Variants in PALMD observed in about 807,000 individuals in gnomAD.
PALMD encodes the protein palmdelphin.
A neutral mutation model predicts 56.2 loss-of-function variants in PALMD; 42 were observed. The observed-to-expected ratio is 0.75, with a 90% CI of 0.58 to 0.97. The LOEUF is 0.97. Ranked by LOEUF, PALMD falls within the 50% of genes least tolerant of loss-of-function variation. PALMD has a pLI of 0.00. For missense variants in PALMD, 660 were observed against 643.8 expected, an observed-to-expected ratio of 1.03 and a Z score of -0.27; for synonymous variants, 242 against 222.9, an observed-to-expected ratio of 1.09 and a Z score of -0.76.
At chr1:99,660,577 T>C (rs1306800131) in intron 1 of PALMD, among the ~76,000 whole-genome samples, 1 of 152,182 alleles carries the variant, frequency 6.6e-6, no homozygotes, top group Non-Finnish European at 1.5e-5. Flanking sequence ...TTTTTGTTAC[T>C]AATGGCCAGA....
At chr1:99,671,546 T>C (rs1653087336) in intron 3 of PALMD, among the ~76,000 whole-genome samples, 2 of 152,186 alleles carry the variant, frequency 1.3e-5, no homozygotes. Flanking sequence ...CGGATCTTTA[T>C]CCAGGTATTT....
intron 6 of PALMD, among the ~76,000 whole-genome samples, chr1:99,687,597 T>C (rs1240219203): frequency 6.6e-6 from 1 of 152,182 alleles, no homozygotes; most frequent in African/African-American, 2.4e-5. Flanking sequence ...TTGAGTTACA[T>C]AAAACTGATG....
intron 1 of PALMD, among the ~76,000 whole-genome samples, chr1:99,651,261 C>T (rs1281895017): frequency 6.6e-6 from 1 of 152,182 alleles, no homozygotes; most frequent in East Asian, 1.9e-4. Flanking sequence ...TAACAGCCCA[C>T]CCATAAAGGA....
intron 3 of PALMD, among the ~76,000 whole-genome samples, chr1:99,681,746 T>C (rs1387204104): frequency 6.6e-6 from 1 of 152,122 alleles, no homozygotes; most frequent in Non-Finnish European, 1.5e-5. Context: ...CCCTGGCCTC[T>C]ACCCACTAGA....
intron 7 of PALMD, among the ~76,000 whole-genome samples, chr1:99,693,406 A>G (rs1219132416): frequency 6.6e-6 from 1 of 152,224 alleles, no homozygotes; most frequent in African/African-American, 2.4e-5. Flanking sequence ...TGCTTTCTAC[A>G]TTCAATATAT....
chr1:99,690,587 T>C (rs1653633572), intron 7 of PALMD, among the ~76,000 whole-genome samples: 1 of 152,148 alleles, frequency 6.6e-6, no homozygotes, highest in Admixed American at 6.5e-5. Context: ...TTAACACTTT[T>C]TTTCTACAAA....
At chr1:99,681,499 G>C (rs906262086) in intron 3 of PALMD, among the ~76,000 whole-genome samples, 2 of 151,796 alleles carry the variant, frequency 1.3e-5, no homozygotes, top group African/African-American at 4.8e-5. Flanking sequence ...AAAAACAACA[G>C]ATACACAAAC....
intron 6 of PALMD, among the ~76,000 whole-genome samples, chr1:99,687,425 C>A (rs1442353413): frequency 6.6e-6 from 1 of 151,976 alleles, no homozygotes; most frequent in Non-Finnish European, 1.5e-5. Flanking sequence ...AGATAGAGAC[C>A]CAAAGGAGAC....
At chr1:99,665,892 G>A (rs187188263) in intron 2 of PALMD, among the ~76,000 whole-genome samples, 4 of 152,210 alleles carry the variant, frequency 2.6e-5, no homozygotes, top group Admixed American at 2.0e-4. Context: ...ATATTTACTG[G>A]GTCTGCAGGA....
chr1:99,683,116 A>G (rs1183059080), intron 3 of PALMD: 4 of 118,588 alleles, frequency 3.4e-5, no homozygotes, highest in South Asian at 2.6e-4. Context: ...GAAAGAAAGA[A>G]AGAAAGAAAG....
chr1:99,680,339 C>T (rs566295393), intron 3 of PALMD, among the ~76,000 whole-genome samples: 1 of 152,220 alleles, frequency 6.6e-6, no homozygotes, highest in South Asian at 2.1e-4. Flanking sequence ...TTGAAAATAA[C>T]CCTCTTTTTC....
intron 1 of PALMD, among the ~76,000 whole-genome samples, chr1:99,648,344 G>A (rs1209415162): frequency 1.3e-5 from 2 of 152,060 alleles, no homozygotes; most frequent in African/African-American, 4.8e-5. Flanking sequence ...CCTCCCTCTT[G>A]GACGCCCTGG....
At position 99,693,828 on chromosome 1, in the gene PALMD, C is replaced by T. The variant is rs751569323; in HGVS notation, c.1613-191C>T. On this transcript the variant is annotated intron_variant, in intron 7 of 7. Coordinates refer to ENST00000263174, the MANE Select transcript of PALMD (RefSeq NM_017734.5). ...GAAATAGGTTCCTTCTAGTTCTGAA[C>T]CTGCTTCTGCCCTAAGTTAACCATA... Among the ~76,000 whole-genome samples, 16 of 152,268 alleles carry T rather than the reference C, an allele frequency of 1.1e-4. No homozygotes were observed. In the East Asian group the frequency reaches 2.9e-3, roughly 28 times the overall value.
rs563197265 is a variant in PALMD at position 99,689,938 on chromosome 1, C to T, written c.1612+66C>T. ...GTGACCAGCTTCTCTTGTGCTAATG[C>T]AGTCTTGCTTTCAGGCTTCTCTGAC... is the stretch of plus-strand genomic sequence containing the variant. On this transcript the variant is annotated intron_variant, in intron 7 of 7. Transcript: ENST00000263174. 8 of 1,465,424 alleles carry T rather than the reference C, an allele frequency of 5.5e-6. No individual in the cohort carries two copies. The East Asian group carries it at 1.8e-4, about 33-fold the overall frequency. The allele number at this position is 1,465,424 out of a possible 1,614,324, so 90.8% of individuals were successfully genotyped here.
At chr1:99,648,332 C>T (rs1278793610) in intron 1 of PALMD, among the ~76,000 whole-genome samples, 1 of 152,144 alleles carries the variant, frequency 6.6e-6, no homozygotes, top group East Asian at 1.9e-4. Context: ...CACATCCACT[C>T]TCCTCCCTCT....
In PALMD at chr1:99,689,074, C is replaced by T. The variant is rs779479092; in HGVS notation, c.814C>T (p.Pro272Ser). ...YANPFYRPTTPQRETVTPGPN... is the reference protein window; with the variant it reads ...YANPFYRPTTSQRETVTPGPN... ...CAATCCCTTTTACAGGCCTACAACC[C>T]CACAGAGAGAAACGGTGACCCCTGG... The change falls in exon 7 of 8, where the codon CCA becomes TCA. Residue 272 changes from proline (P) to serine (S), a missense_variant. Physicochemically the swap from Pro to Ser is moderately conservative, Grantham distance 74 (BLOSUM62 -1). Coordinates refer to ENST00000263174, the MANE Select transcript of PALMD (RefSeq NM_017734.5). 2.5e-6 allele frequency: 4 copies of T among 1,613,482 alleles called. No individual in the cohort carries two copies. Among genetic ancestry groups the T allele is most frequent in the Non-Finnish European group, 3.4e-6 (4 of 1,179,702 alleles).
At chr1:99,693,996 C>CT (rs58405312) in intron 7 of PALMD, 23 bp from the exon 8 acceptor site, 125,643 of 1,515,222 alleles carry the variant, frequency 0.083, 7,035 homozygotes, top group African/African-American at 0.35. Context: ...TTATAACTCT[C>CT]TTTTTTTTTC....
chr1:99,679,557 A>G (rs1014069627), intron 3 of PALMD, among the ~76,000 whole-genome samples: 4 of 152,214 alleles, frequency 2.6e-5, no homozygotes, highest in Non-Finnish European at 5.9e-5. Context: ...GAAGATTAGG[A>G]CAGAAATATT....
chr1:99,678,324 C>T (rs1373866425), intron 3 of PALMD, among the ~76,000 whole-genome samples: 4 of 151,958 alleles, frequency 2.6e-5, no homozygotes, highest in East Asian at 1.9e-4. Context: ...GGGCTGGTCT[C>T]GAACTCCTGA....
Sources: gnomAD v4.1 joint callset for allele counts (sites outside exome capture counted in the v4.1 genomes callset) on GRCh38, gnomAD v4.1.1 for gene constraint, MANE v1.5 for transcripts, NCBI Gene and HGNC (gene_info 2026-07-23, HGNC 2026-07-21) for gene names.